The following SGCD variants were observed in gnomAD, a reference collection of about 807,000 sequenced individuals.
The protein encoded by SGCD is delta-sarcoglycan.
SGCD carries 18 observed loss-of-function variants against 36.6 expected under a neutral mutation model. The ratio of observed to expected loss-of-function variants is 0.49; its 90% CI spans 0.34 to 0.73. The LOEUF is 0.73. SGCD is among the 30% of genes least tolerant of loss of function. The pLI is 0.01. For synonymous variants in SGCD, 133 were observed against 130.6 expected (o/e 1.02, Z -0.12); for missense variants, 387 against 346.7 (o/e 1.12, Z -0.92).
chr5:156,043,028 A>G (rs1581058663), intron 1 of SGCD, among the ~76,000 whole-genome samples: 1 of 152,084 alleles, frequency 6.6e-6, no homozygotes, highest in Non-Finnish European at 1.5e-5. Flanking sequence ...GCTTGGCCCA[A>G]CCCCAGGAAT....
At chr5:156,078,555 T>G (rs1166753572) in intron 1 of SGCD, among the ~76,000 whole-genome samples, 1 of 128,828 alleles carries the variant, frequency 7.8e-6, no homozygotes, top group South Asian at 2.2e-4. Flanking sequence ...ATATATATAT[T>G]TATATTTATA....
At chr5:156,263,279 T>C (rs996993647) in intron 3 of SGCD, among the ~76,000 whole-genome samples, 23 of 152,210 alleles carry the variant, frequency 1.5e-4, no homozygotes, top group Middle Eastern at 3.4e-3. Context: ...TATTATGTTC[T>C]GACTATGGCC....
intron 1 of SGCD, among the ~76,000 whole-genome samples, chr5:155,922,495 T>C (rs913773801): frequency 6.6e-6 from 1 of 152,244 alleles, no homozygotes; most frequent in Non-Finnish European, 1.5e-5. Flanking sequence ...AAGATCTTCA[T>C]TTATTTGGCG....
intron 4 of SGCD, among the ~76,000 whole-genome samples, chr5:156,574,659 G>A (rs181944183): frequency 2.0e-5 from 3 of 152,124 alleles, no homozygotes; most frequent in Admixed American, 2.0e-4. Context: ...TTTTTTAAGA[G>A]GTCATACCTC....
chr5:155,866,787 G>C (rs374792043), upstream of SGCD, among the ~76,000 whole-genome samples: 2 of 152,092 alleles, frequency 1.3e-5, no homozygotes, highest in Admixed American at 1.3e-4. Context: ...TCTAACTCAG[G>C]CCTGTCTGAC....
At chr5:155,907,102 A>T (rs183753752) in intron 1 of SGCD, among the ~76,000 whole-genome samples, 158 of 146,780 alleles carry the variant, frequency 1.1e-3, no homozygotes, top group African/African-American at 3.7e-3. Flanking sequence ...ATGATGCAAA[A>T]TCTACTCTGC....
chr5:156,431,462 C>G (rs977910920), intron 3 of SGCD, among the ~76,000 whole-genome samples: 1 of 152,092 alleles, frequency 6.6e-6, no homozygotes, highest in Admixed American at 6.5e-5. Context: ...AACAAGGACC[C>G]CTTCTCCAAG....
In SGCD at chr5:156,558,228, G is replaced by C. The variant is rs948042558; in HGVS notation, c.295-31003G>C. Among the ~76,000 whole-genome samples the C allele has an allele frequency of 2.0e-5, 3 of 151,022 alleles. No homozygotes were observed. In the Admixed American group the frequency reaches 2.0e-4, roughly 10 times the overall value. On this transcript the variant is annotated intron_variant, in intron 4 of 8. Coordinates refer to ENST00000337851, the MANE Select transcript of SGCD (RefSeq NM_000337.6). ...CCATTCCACCACTTACTAGCTCTGA[G>C]TCTTTGGCCAAGTTACTTACCCTCT... is the stretch of plus-strand genomic sequence containing the variant.
intron 7 of SGCD, among the ~76,000 whole-genome samples, chr5:156,667,023 A>G (rs903948953): frequency 6.6e-6 from 1 of 152,156 alleles, no homozygotes; most frequent in Admixed American, 6.5e-5. Flanking sequence ...CCAAAATCCA[A>G]AATGCTCTAA....
intron 1 of SGCD, among the ~76,000 whole-genome samples, chr5:156,110,408 G>T (rs1370621694): frequency 5.3e-5 from 8 of 151,836 alleles, no homozygotes; most frequent in East Asian, 3.9e-4. Context: ...TAACTTATTT[G>T]TATTGGGTTC....
chr5:156,218,732 C>T (rs1010695377), intron 3 of SGCD, among the ~76,000 whole-genome samples: 1 of 152,156 alleles, frequency 6.6e-6, no homozygotes, highest in Admixed American at 6.5e-5. Flanking sequence ...ACTCTTTCTA[C>T]CAGTGGGTGA....
At chr5:156,521,016 C>CAAAA (rs3075012) in intron 4 of SGCD, among the ~76,000 whole-genome samples, 15 of 56,722 alleles carry the variant, frequency 2.6e-4, no homozygotes, top group East Asian at 6.7e-4. Context: ...GACTCCGTCT[C>CAAAA]AAAAAAAAAA....
Position 156,361,191 on chromosome 5 carries a change from G to A in SGCD, c.192+16514G>A, listed in dbSNP as rs573137954. Among the ~76,000 whole-genome samples the A allele has an allele frequency of 6.6e-5, 10 of 152,300 alleles. No homozygotes were observed. In the South Asian group the frequency reaches 2.1e-3, roughly 32 times the overall value. On this transcript the variant is annotated intron_variant, in intron 3 of 8. Coordinates refer to ENST00000337851, the MANE Select transcript of SGCD (RefSeq NM_000337.6). Reference sequence around the variant, plus strand: ...GTTCATGCGCTCCCTCCTGCAAGGGGTTGAGCACAGTGGGCAAGCCAAATA... The same window carrying A: ...GTTCATGCGCTCCCTCCTGCAAGGGATTGAGCACAGTGGGCAAGCCAAATA...
intron 6 of SGCD, among the ~76,000 whole-genome samples, chr5:156,642,461 C>CTTTTTTTT (rs58501471): frequency 2.5e-5 from 2 of 80,046 alleles, no homozygotes; most frequent in African/African-American, 5.8e-5. Flanking sequence ...CAGCATCAGT[C>CTTTTTTTT]TTTTTTTTTT....
chr5:156,566,767 T>C (rs953281741), intron 4 of SGCD, among the ~76,000 whole-genome samples: 1 of 152,162 alleles, frequency 6.6e-6, no homozygotes, highest in African/African-American at 2.4e-5. Flanking sequence ...GATAAAAATG[T>C]AAATGTGAAG....
intron 3 of SGCD, among the ~76,000 whole-genome samples, chr5:156,261,219 T>A (rs1156241701): frequency 6.6e-6 from 1 of 152,206 alleles, no homozygotes; most frequent in East Asian, 1.9e-4. Flanking sequence ...GTATTAAGAT[T>A]GTGGATGTGA....
chr5:156,669,615 A>T (rs1372720959), intron 7 of SGCD, among the ~76,000 whole-genome samples: 3 of 152,220 alleles, frequency 2.0e-5, no homozygotes, highest in African/African-American at 7.2e-5. Flanking sequence ...AGCCTTCAAG[A>T]CAGGGTATTA....
chr5:156,285,989 C>G (rs1041109813), intron 3 of SGCD, among the ~76,000 whole-genome samples: 1 of 151,996 alleles, frequency 6.6e-6, no homozygotes, highest in African/African-American at 2.4e-5. Flanking sequence ...AAAAAACGAA[C>G]AACCCTATCA....
intron 4 of SGCD, among the ~76,000 whole-genome samples, chr5:156,520,649 A>G (rs988744688): frequency 1.3e-5 from 2 of 152,190 alleles, no homozygotes; most frequent in African/African-American, 4.8e-5. Context: ...CTACAAGGCT[A>G]CACTCACCAA....
Sources: gnomAD v4.1 joint callset for allele counts (sites outside exome capture counted in the v4.1 genomes callset) on GRCh38, gnomAD v4.1.1 for gene constraint, MANE v1.5 for transcripts, NCBI Gene and HGNC (gene_info 2026-07-23, HGNC 2026-07-21) for gene names.